Variants in MAP4 observed in about 807,000 individuals in gnomAD.
MAP4 encodes microtubule-associated protein 4.
A neutral mutation model predicts 170.2 loss-of-function variants in MAP4; 76 were observed. The observed-to-expected ratio is 0.45, with a 90% confidence interval of 0.37 to 0.54. The LOEUF (loss-of-function observed/expected upper bound fraction) is 0.54. Ranked by LOEUF, MAP4 falls within the 20% of genes least tolerant of loss-of-function variation. The pLI is 0.00. For synonymous variants in MAP4, 909 were observed against 994.5 expected (o/e 0.91, Z 1.62); for missense variants, 2,506 against 2,748.0 (o/e 0.91, Z 1.97).
rs2100036306 is a variant in MAP4, at chr3:47,912,249, T to C, written c.2172A>G (p.Ser724=). Residue 724 remains serine, a synonymous_variant, in exon 9 of 21, where the codon TCA becomes TCG. Coordinates refer to ENST00000683076, the MANE Select transcript of MAP4 (RefSeq NM_001385682.1). ...HRLGHCSLSE[S]GWVSGSSSCG... ...AGGAGGATGAACCAGAGACCCAACC[T>C]GACTCAGACAAAGAGCAGTGGCCCA... 2 of 1,536,134 alleles carry C rather than the reference T, an allele frequency of 1.3e-6. No individual in the cohort carries two copies. Among genetic ancestry groups the C allele is most frequent in the East Asian group, 2.4e-5 (1 of 40,926 alleles).
At chr3:48,047,075 C>G (rs901759977) in intron 1 of MAP4, among the ~76,000 whole-genome samples, 1 of 149,912 alleles carries the variant, frequency 6.7e-6, no homozygotes, top group Non-Finnish European at 1.5e-5. Flanking sequence ...GCCTGGGCAA[C>G]AGAGTGAGAC....
At chr3:47,980,125 G>A (rs768475791) in intron 2 of MAP4, among the ~76,000 whole-genome samples, 4 of 152,094 alleles carry the variant, frequency 2.6e-5, no homozygotes, top group Non-Finnish European at 5.9e-5. Context: ...GAGTCACTGC[G>A]CCTGGCCTTG....
chr3:47,903,455 C>A (rs757450965), intron 9 of MAP4, among the ~76,000 whole-genome samples: 1 of 151,838 alleles, frequency 6.6e-6, no homozygotes, highest in Non-Finnish European at 1.5e-5. Flanking sequence ...ACGGCGTGAA[C>A]CTGGGAGGCA....
chr3:47,854,606 A>G (rs1322875840), intron 19 of MAP4, among the ~76,000 whole-genome samples: 1 of 152,216 alleles, frequency 6.6e-6, no homozygotes, highest in Non-Finnish European at 1.5e-5. Context: ...TTGGCACACA[A>G]AAGGTCTCAC....
intron 3 of MAP4, among the ~76,000 whole-genome samples, chr3:47,964,479 T>A (rs2100073632): frequency 6.6e-6 from 1 of 152,106 alleles, no homozygotes. Context: ...GGGAGGCAGG[T>A]GGTTTTTTTC....
In MAP4 at chr3:47,885,885, C is replaced by T. The variant is rs550582829; in HGVS notation, c.5435-8362G>A. Among the ~76,000 whole-genome samples, 39 of 152,260 alleles carry T rather than the reference C, an allele frequency of 2.6e-4. No individual in the cohort carries two copies. The South Asian group carries it at 7.9e-3, about 31-fold the overall frequency. ...CCGGGACTACAGGCGCCTGCCACCACGCCCAACTAATTCTTTGCATTTTTA... is the reference window on the plus strand; with the variant it reads ...CCGGGACTACAGGCGCCTGCCACCATGCCCAACTAATTCTTTGCATTTTTA... On this transcript the variant is annotated intron_variant, in intron 10 of 20. Transcript: ENST00000683076.
At chr3:47,905,029 A>G (rs2100032160) in intron 9 of MAP4, among the ~76,000 whole-genome samples, 1 of 152,162 alleles carries the variant, frequency 6.6e-6, no homozygotes, top group South Asian at 2.1e-4. Context: ...ACACCATTTG[A>G]CCACAAGACG....
intron 3 of MAP4, among the ~76,000 whole-genome samples, chr3:47,952,930 TAAATA>T (rs1368279279): frequency 2.0e-5 from 3 of 151,286 alleles, no homozygotes; most frequent in African/African-American, 7.3e-5. Flanking sequence ...TCTCAAAAAA[TAAATA>T]AAATACAAAA....
At chr3:47,996,929 G>C (rs1306159138) in intron 2 of MAP4, among the ~76,000 whole-genome samples, 1 of 152,048 alleles carries the variant, frequency 6.6e-6, no homozygotes, top group Non-Finnish European at 1.5e-5. Flanking sequence ...TATAAGAGAG[G>C]CAAACAGAAA....
chr3:47,974,471 C>T, intron 3 of MAP4: 11 of 984,406 alleles, frequency 1.1e-5, no homozygotes, highest in Non-Finnish European at 1.3e-5. Flanking sequence ...GAACATGGTG[C>T]CAATTATTTC....
intron 3 of MAP4, 131 bp downstream of exon 3, chr3:47,977,734 C>A (rs1324379383): frequency 3.2e-6 from 2 of 617,900 alleles, no homozygotes; most frequent in African/African-American, 1.8e-5. Flanking sequence ...TTAAATACCT[C>A]CAACAAGAAC....
At chr3:47,929,767 C>T (rs550637710) in intron 3 of MAP4, among the ~76,000 whole-genome samples, 3 of 150,472 alleles carry the variant, frequency 2.0e-5, no homozygotes, top group Non-Finnish European at 4.4e-5. Context: ...TCACCAAAAG[C>T]ACTATCTGTA....
intron 7 of MAP4, among the ~76,000 whole-genome samples, chr3:47,915,468 G>T (rs1337835375): frequency 6.6e-6 from 1 of 152,020 alleles, no homozygotes; most frequent in African/African-American, 2.4e-5. Context: ...TAAATGGGTG[G>T]GAATGATCCA....
At chr3:47,936,560 A>G (rs2100052982) in intron 3 of MAP4, among the ~76,000 whole-genome samples, 1 of 152,196 alleles carries the variant, frequency 6.6e-6, no homozygotes, top group East Asian at 1.9e-4. Flanking sequence ...ACAAATATAC[A>G]ATGCCTAGTT....
intron 1 of MAP4, among the ~76,000 whole-genome samples, chr3:48,070,729 G>A (rs1304328196): frequency 6.6e-6 from 1 of 151,784 alleles, no homozygotes; most frequent in Non-Finnish European, 1.5e-5. Context: ...GGCCAGGTGT[G>A]GTGGCTCACA....
intron 1 of MAP4, among the ~76,000 whole-genome samples, chr3:48,056,526 T>A (rs1472336964): frequency 4.7e-5 from 2 of 42,550 alleles, no homozygotes; most frequent in African/African-American, 2.9e-4. Flanking sequence ...CCGCCCCGTC[T>A]GGGAGGTGAG....
In MAP4 at chr3:47,911,322, A is replaced by G; in HGVS notation, c.3099T>C (p.Ser1033=). 2 of 1,536,120 alleles carry G rather than the reference A, an allele frequency of 1.3e-6. No individual in the cohort carries two copies. Among genetic ancestry groups the G allele is most frequent in the Non-Finnish European group, 1.7e-6 (2 of 1,146,894 alleles). The change falls in exon 9 of 21, where the codon TCT becomes TCC. Residue 1033 remains serine, a synonymous_variant. Coordinates refer to ENST00000683076, the MANE Select transcript of MAP4 (RefSeq NM_001385682.1). This position sits in a 1 kb window ranked among gnomAD's most constrained non-coding sequence, Gnocchi z 4.0. Reference sequence around the variant, plus strand: ...CCAACACTTGGCCCTGCAGCTGCTCAGAAGTAAAGATGCTGATCTCTTGTC... The same window carrying G: ...CCAACACTTGGCCCTGCAGCTGCTCGGAAGTAAAGATGCTGATCTCTTGTC... ...NERQEISIFT[S]EQLQGQVLVQ... is the part of the protein sequence containing the mutation.
At chr3:47,908,912 T>C in intron 9 of MAP4, 126 bp downstream of exon 9, 1 of 1,037,748 alleles carries the variant, frequency 9.6e-7, no homozygotes, top group Non-Finnish European at 1.4e-6. Context: ...ATAGGTTTCA[T>C]GCCAACAAAC....
chr3:48,049,976 T>C (rs1260882226), intron 1 of MAP4, among the ~76,000 whole-genome samples: 1 of 150,480 alleles, frequency 6.6e-6, no homozygotes, highest in African/African-American at 2.4e-5. Flanking sequence ...TTAAAAATTT[T>C]TGGCCGGGTG....
Sources: gnomAD v4.1 joint callset for allele counts (sites outside exome capture counted in the v4.1 genomes callset) on GRCh38, gnomAD v4.1.1 for gene constraint, Gnocchi (gnomAD v3.1) non-coding constraint, MANE v1.5 for transcripts, NCBI Gene and HGNC (gene_info 2026-07-23, HGNC 2026-07-21) for gene names.